Variants in MTERF4 observed in about 807,000 individuals in gnomAD.
The protein encoded by MTERF4 is transcription termination factor 4, mitochondrial.
MTERF4 carries 17 observed loss-of-function variants against 22.5 expected under a neutral mutation model. The ratio of observed to expected loss-of-function variants is 0.75; its 90% CI spans 0.52 to 1.13. MTERF4 has a LOEUF of 1.13. Ranked by LOEUF, MTERF4 falls within the 50% of genes most tolerant of loss-of-function variation. The pLI, the probability that MTERF4 is intolerant of heterozygous loss-of-function variation, is 0.00. For missense variants in MTERF4, 420 were observed against 466.8 expected (o/e 0.90, Z 0.92); for synonymous variants, 165 against 175.3 (o/e 0.94, Z 0.47).
Position 241,095,713 on chromosome 2 carries a change from A to G in MTERF4, c.*285T>C. The G allele has an allele frequency of 2.5e-6, 1 of 398,110 alleles. No individual in the cohort carries two copies. The highest frequency in any genetic ancestry group is 4.0e-5 in the Admixed American group (1 of 25,020). The allele number at this position is 398,110 out of a possible 1,614,324, so 24.7% of individuals were successfully genotyped here. On this transcript the variant is annotated 3_prime_UTR_variant, in exon 4 of 4. Transcript: ENST00000391980. Reference sequence around the variant, plus strand: ...GAAAAAAATAAAACCAATTGTTGATATATTGAGTCCCCTTGATGTGAATAG... The same window carrying G: ...GAAAAAAATAAAACCAATTGTTGATGTATTGAGTCCCCTTGATGTGAATAG...
chr2:241,068,536 C>A (rs987353475), downstream of MTERF4, among the ~76,000 whole-genome samples: 1 of 152,128 alleles, frequency 6.6e-6, no homozygotes, highest in African/African-American at 2.4e-5. This position sits in a 1 kb window ranked among gnomAD's most constrained non-coding sequence, Gnocchi z 5.3. Context: ...TGGCATTGGC[C>A]TCACGTTGTC....
downstream of MTERF4, chr2:241,071,358 A>T: frequency 1.7e-6 from 1 of 603,538 alleles, no homozygotes; most frequent in Non-Finnish European, 3.0e-6. Context: ...ATGGCTGCGC[A>T]TGGCTCCTCC....
chr2:241,089,202 A>G (rs2063750348), downstream of MTERF4: 1 of 1,237,158 alleles, frequency 8.1e-7, no homozygotes, highest in East Asian at 2.6e-5. Context: ...ATTTTTTATC[A>G]ACATGTCACT....
chr2:241,061,202 GA>G, the MTERF4 span, among the ~76,000 whole-genome samples: 2 of 148,578 alleles, frequency 1.3e-5, no homozygotes, highest in East Asian at 2.0e-4. Context: ...TAGGAAAATA[GA>G]AAAAAAAACA....
chr2:241,049,227 C>A, the MTERF4 span: 2 of 940,410 alleles, frequency 2.1e-6, no homozygotes, highest in Non-Finnish European at 3.3e-6. Context: ...GCCAGAGTCC[C>A]TACTTCCCTT....
Position 241,075,773 on chromosome 2 carries a change from A to C in MTERF4, n.480-91T>G, listed in dbSNP as rs2062990327. ...TTAAAAAATATCCTTCCCCACACCA[A>C]AGTTAGAAAGTTATTCATGTATATT... On this transcript the variant is annotated intron_variant and non_coding_transcript_variant, in intron 4 of 4. Coordinates refer to the MTERF4 transcript ENST00000464344. The surrounding 1 kb of genome is among the most constrained non-coding windows in gnomAD (Gnocchi z 4.8). 6.6e-6 allele frequency: 1 copy of C among 151,840 alleles called. No homozygotes were observed. Among genetic ancestry groups the C allele is most frequent in the Non-Finnish European group, 1.5e-5 (1 of 67,966 alleles). 9.4% of individuals were successfully genotyped at this position (151,840 alleles called of 1,614,324 possible). A position where few individuals can be genotyped will look rare whatever the true frequency, so the allele number is the denominator to read the frequency against.
the MTERF4 span, chr2:241,049,684 AGT>A: frequency 1.5e-6 from 1 of 649,742 alleles, no homozygotes; most frequent in Non-Finnish European, 2.8e-6. Context: ...ATGCCCACAG[AGT>A]GTATTTTCAG....
the MTERF4 span, among the ~76,000 whole-genome samples, chr2:241,058,903 T>A: frequency 6.6e-6 from 1 of 151,300 alleles, no homozygotes; most frequent in African/African-American, 2.4e-5. Flanking sequence ...TGAGCCAAGA[T>A]CGCACCACTG....
the MTERF4 span, among the ~76,000 whole-genome samples, chr2:241,050,834 G>C: frequency 6.6e-6 from 1 of 152,130 alleles, no homozygotes; most frequent in South Asian, 2.1e-4. Context: ...CCCAAGGTGG[G>C]GGTCCTACCA....
downstream of MTERF4, chr2:241,091,821 C>T (rs75930097): frequency 0.025 from 3,758 of 152,662 alleles, 150 homozygotes; most frequent in African/African-American, 0.084. This position sits in a 1 kb window ranked among gnomAD's most constrained non-coding sequence, Gnocchi z 4.1. Context: ...CACACACCAG[C>T]CCACCCTGAG....
At chr2:241,047,845 T>C in the MTERF4 span, among the ~76,000 whole-genome samples, 1 of 152,106 alleles carries the variant, frequency 6.6e-6, no homozygotes, top group South Asian at 2.1e-4. Flanking sequence ...CTTCTTGTTC[T>C]GTCCAATCCC....
chr2:241,068,062 T>C, downstream of MTERF4: 3 of 985,802 alleles, frequency 3.0e-6, no homozygotes, highest in Admixed American at 7.6e-5. This position sits in a 1 kb window ranked among gnomAD's most constrained non-coding sequence, Gnocchi z 5.3. Flanking sequence ...CACCTGCCGC[T>C]CCTCACCTGA....
chr2:241,089,938 AC>A, downstream of MTERF4: 1 of 1,537,948 alleles, frequency 6.5e-7, no homozygotes, highest in Non-Finnish European at 8.8e-7. Context: ...AACGTAGAAA[AC>A]CTACAGTAAA....
At position 241,095,926 on chromosome 2, in the gene MTERF4, C is replaced by A; in HGVS notation, c.*72G>T. 1 of 1,534,434 alleles carries A rather than the reference C, an allele frequency of 6.5e-7. No homozygotes were observed. Among genetic ancestry groups the A allele is most frequent in the South Asian group, 1.3e-5 (1 of 76,312 alleles). ...ACTTGAGAAGATTCAAGTAAAGGAC[C>A]CAAAAGCTTTAAGAGAATGAAAAGC... On this transcript the variant is annotated 3_prime_UTR_variant, in exon 4 of 4. Transcript: ENST00000391980.
chr2:241,076,787 G>A (rs577359661), intron 4 of MTERF4, among the ~76,000 whole-genome samples: 18 of 151,796 alleles, frequency 1.2e-4, no homozygotes, highest in African/African-American at 2.2e-4. Context: ...CCTGTAATCC[G>A]TGGAAAAGAA....
chr2:241,051,705 C>T, the MTERF4 span: 4 of 1,391,378 alleles, frequency 2.9e-6, no homozygotes, highest in African/African-American at 1.5e-5. The surrounding 1 kb of genome is among the most constrained non-coding windows in gnomAD (Gnocchi z 4.7). Flanking sequence ...GGGCCAGCAG[C>T]CTGGCCCCGT....
chr2:241,071,330 C>T, downstream of MTERF4: 1 of 582,294 alleles, frequency 1.7e-6, no homozygotes, highest in Non-Finnish European at 3.1e-6. Flanking sequence ...GACTCCCAGG[C>T]CAGTGCACGC....
the MTERF4 span, among the ~76,000 whole-genome samples, chr2:241,053,575 G>A: frequency 6.6e-6 from 1 of 152,232 alleles, no homozygotes; most frequent in East Asian, 1.9e-4. Flanking sequence ...CGGAGCAGGA[G>A]GTCAAACACC....
chr2:241,065,276 T>C, the MTERF4 span: 1 of 1,611,552 alleles, frequency 6.2e-7, no homozygotes, highest in East Asian at 2.2e-5. Context: ...TCCCCTCCCC[T>C]TGTTTTGACC....
Sources: allele counts gnomAD v4.1 joint callset (sites outside exome capture counted in the v4.1 genomes callset), GRCh38; gene constraint gnomAD v4.1.1; non-coding constraint Gnocchi (gnomAD v3.1); transcripts MANE v1.5; gene names NCBI Gene and HGNC (gene_info 2026-07-23, HGNC 2026-07-21).